The following CSMD3 variants were observed in gnomAD, a reference collection of about 807,000 sequenced individuals.
CSMD3 encodes the protein CUB and Sushi multiple domains 3.
In CSMD3, 177 loss-of-function variants were observed where a neutral mutation model predicts 435.2. The ratio of observed to expected loss-of-function variants is 0.41; its 90% CI spans 0.36 to 0.46. CSMD3 has a LOEUF of 0.46. Ranked by LOEUF, CSMD3 falls within the 20% of genes least tolerant of loss-of-function variation. The pLI is 0.34. For synonymous variants in CSMD3, 1,656 were observed against 1,520.5 expected, an observed-to-expected ratio of 1.09 and a Z score of -2.07; for missense variants, 4,265 against 4,504.6, an observed-to-expected ratio of 0.95 and a Z score of 1.52.
chr8:113,232,558 T>C (rs577623797), intron 3 of CSMD3, among the ~76,000 whole-genome samples: 6 of 151,936 alleles, frequency 3.9e-5, no homozygotes, highest in South Asian at 4.1e-4. Context: ...GAATAGCAAG[T>C]GTCAAGACAG....
At chr8:112,627,241 T>A (rs1324360775) in intron 22 of CSMD3, among the ~76,000 whole-genome samples, 2 of 152,174 alleles carry the variant, frequency 1.3e-5, no homozygotes, top group African/African-American at 4.8e-5. Flanking sequence ...TTTTCTTTTT[T>A]TCCAGCATAT....
chr8:112,926,347 A>C (rs1265379199), intron 9 of CSMD3, among the ~76,000 whole-genome samples: 1 of 152,066 alleles, frequency 6.6e-6, no homozygotes, highest in Non-Finnish European at 1.5e-5. Context: ...GTATCCACTG[A>C]AATTCATCTG....
chr8:113,014,044 G>A (rs1351553346), intron 6 of CSMD3, among the ~76,000 whole-genome samples: 1 of 152,086 alleles, frequency 6.6e-6, no homozygotes, highest in Non-Finnish European at 1.5e-5. Flanking sequence ...AATCCCAGTA[G>A]CTAGCCACTT....
At chr8:112,549,221 C>T (rs1476613908) in intron 27 of CSMD3, among the ~76,000 whole-genome samples, 1 of 151,814 alleles carries the variant, frequency 6.6e-6, no homozygotes, top group Non-Finnish European at 1.5e-5. Flanking sequence ...TAAAATTAAG[C>T]CGCTCTCTGA....
chr8:113,068,053 T>A (rs1229592306), intron 5 of CSMD3, among the ~76,000 whole-genome samples: 1 of 152,132 alleles, frequency 6.6e-6, no homozygotes, highest in East Asian at 1.9e-4. Flanking sequence ...TGTTCCAATG[T>A]TTTAAAACAA....
chr8:112,551,029 T>C (rs1178924382), intron 26 of CSMD3, among the ~76,000 whole-genome samples, 156 bp from the exon 27 acceptor site: 2 of 152,128 alleles, frequency 1.3e-5, no homozygotes, highest in Non-Finnish European at 2.9e-5. Flanking sequence ...TAATATATTT[T>C]TCTTGAGACA....
In CSMD3 at chr8:112,332,987, C is replaced by T. The variant is rs182074741; in HGVS notation, c.7165+2342G>A. Among the ~76,000 whole-genome samples, 138 of 152,118 alleles carry T rather than the reference C, an allele frequency of 9.1e-4. 4 individuals carry two copies. Among genetic ancestry groups the T allele is most frequent in the Admixed American group, 6.5e-3 (100 of 15,270 alleles). On this transcript the variant is annotated intron_variant, in intron 45 of 70. Coordinates refer to ENST00000297405, the MANE Select transcript of CSMD3 (RefSeq NM_198123.2). The stretch of plus-strand genomic sequence containing the variant: ...GACCAATGATTTTATATGGTTCAAC[C>T]TAATATATGCCAGTAATTGGAATAA...
intron 40 of CSMD3, among the ~76,000 whole-genome samples, chr8:112,350,034 C>T (rs575213756): frequency 1.8e-4 from 27 of 152,050 alleles, no homozygotes; most frequent in African/African-American, 4.1e-4. Context: ...ACACCAGGAG[C>T]GTGGGTGCAC....
At chr8:113,198,952 A>T (rs1218128266) in intron 3 of CSMD3, among the ~76,000 whole-genome samples, 2 of 151,406 alleles carry the variant, frequency 1.3e-5, no homozygotes, top group South Asian at 2.1e-4. Flanking sequence ...GCTTGAAATA[A>T]ATTATTTCTT....
chr8:112,422,307 G>A (rs1812606203), intron 32 of CSMD3, among the ~76,000 whole-genome samples: 1 of 151,910 alleles, frequency 6.6e-6, no homozygotes, highest in African/African-American at 2.4e-5. Flanking sequence ...AATAATAGAG[G>A]AATAGATTTC....
chr8:112,522,778 A>C (rs2131021813), intron 27 of CSMD3, among the ~76,000 whole-genome samples: 1 of 152,052 alleles, frequency 6.6e-6, no homozygotes, highest in Admixed American at 6.6e-5. Flanking sequence ...AACTACTGCA[A>C]AATATAACTG....
chr8:112,615,997 C>T (rs558180691), intron 22 of CSMD3, among the ~76,000 whole-genome samples: 1 of 152,198 alleles, frequency 6.6e-6, no homozygotes, highest in Admixed American at 6.6e-5. Context: ...TTCTTTGTGC[C>T]ACCATCGAAA....
intron 3 of CSMD3, among the ~76,000 whole-genome samples, chr8:113,174,201 TA>T (rs368322514): frequency 1.1e-4 from 17 of 152,278 alleles, no homozygotes; most frequent in African/African-American, 4.1e-4. Context: ...CTCAGATAAG[TA>T]AAACTGAGGA....
intron 59 of CSMD3, among the ~76,000 whole-genome samples, chr8:112,270,379 T>TTAGGGGTGA (rs372120025): frequency 7.3e-5 from 8 of 108,992 alleles, no homozygotes; most frequent in East Asian, 3.3e-4. Context: ...TGTGTGTGTG[T>TTAGGGGTGA]GTGTGTGTGT....
At chr8:113,175,068 T>A (rs2092327823) in intron 3 of CSMD3, among the ~76,000 whole-genome samples, 1 of 151,904 alleles carries the variant, frequency 6.6e-6, no homozygotes, top group African/African-American at 2.4e-5. Context: ...AAATTCTATA[T>A]AATATTACAA....
At chr8:112,661,692 T>A (rs565947018) in intron 17 of CSMD3, among the ~76,000 whole-genome samples, 1 of 152,298 alleles carries the variant, frequency 6.6e-6, no homozygotes, top group Admixed American at 6.5e-5. Flanking sequence ...ATTTTTGGCT[T>A]ATATAGTATT....
chr8:113,012,892 C>T (rs2086308011), intron 6 of CSMD3, among the ~76,000 whole-genome samples: 1 of 151,988 alleles, frequency 6.6e-6, no homozygotes, highest in East Asian at 1.9e-4. Flanking sequence ...ATCATAAATA[C>T]AACTCATATT....
chr8:113,398,047 G>A (rs947698665), intron 1 of CSMD3, among the ~76,000 whole-genome samples: 1 of 151,982 alleles, frequency 6.6e-6, no homozygotes, highest in African/African-American at 2.4e-5. Context: ...GAGCAGTGTA[G>A]GTACATAGTG....
chr8:112,265,211 A>C (rs1816824099), intron 60 of CSMD3, among the ~76,000 whole-genome samples, 200 bp downstream of exon 60: 1 of 151,992 alleles, frequency 6.6e-6, no homozygotes, highest in Non-Finnish European at 1.5e-5. Context: ...ACAATAAGAT[A>C]TAATGTTTTT....
Sources: gnomAD v4.1 joint callset for allele counts (sites outside exome capture counted in the v4.1 genomes callset) on GRCh38, gnomAD v4.1.1 for gene constraint, MANE v1.5 for transcripts, NCBI Gene and HGNC (gene_info 2026-07-23, HGNC 2026-07-21) for gene names.